Variants in KHDRBS2 observed in about 807,000 individuals in gnomAD.
The protein encoded by KHDRBS2 is KH RNA binding domain containing, signal transduction associated 2, also known as KH domain-containing, RNA-binding, signal transduction-associated protein 2.
KHDRBS2 carries 26 observed loss-of-function variants against 44.3 expected under a neutral mutation model. That is an observed-to-expected ratio of 0.59 (90% CI 0.43 to 0.81). The LOEUF (loss-of-function observed/expected upper bound fraction) is 0.81. Among genes scored for constraint, KHDRBS2 ranks in the 40% least tolerant of loss-of-function variants. The pLI is 0.00. For missense variants in KHDRBS2, 476 were observed against 433.1 expected (o/e 1.10, Z -0.88); for synonymous variants, 194 against 151.1 (o/e 1.28, Z -2.08).
chr6:61,847,439 A>G (rs1309799045), intron 6 of KHDRBS2, among the ~76,000 whole-genome samples: 4 of 152,256 alleles, frequency 2.6e-5, no homozygotes, highest in Non-Finnish European at 5.9e-5. Context: ...CTTGTCATAA[A>G]GATATGAGAA....
chr6:61,933,939 T>G (rs1436343585), intron 4 of KHDRBS2, among the ~76,000 whole-genome samples: 1 of 152,166 alleles, frequency 6.6e-6, no homozygotes, highest in African/African-American at 2.4e-5. Flanking sequence ...GGTTCCATTT[T>G]CTCCATATCC....
chr6:61,825,852 AC>A (rs1790779665), intron 6 of KHDRBS2, among the ~76,000 whole-genome samples: 1 of 152,118 alleles, frequency 6.6e-6, no homozygotes. Context: ...AGTTCACATC[AC>A]TGTATGAGGA....
chr6:62,069,212 C>T (rs1057411828), intron 2 of KHDRBS2, among the ~76,000 whole-genome samples: 1 of 151,584 alleles, frequency 6.6e-6, no homozygotes, highest in African/African-American at 2.4e-5. Flanking sequence ...AATAACTAGA[C>T]AGTTGATTAA....
At chr6:61,912,889 G>A (rs1038077989) in intron 4 of KHDRBS2, among the ~76,000 whole-genome samples, 1 of 152,086 alleles carries the variant, frequency 6.6e-6, no homozygotes, top group African/African-American at 2.4e-5. Flanking sequence ...TCAGTTCTTG[G>A]ATCTCTTCCG....
chr6:62,091,177 A>G (rs1019829044), intron 2 of KHDRBS2, among the ~76,000 whole-genome samples: 3 of 152,188 alleles, frequency 2.0e-5, no homozygotes, highest in African/African-American at 7.2e-5. Flanking sequence ...CCCACTGGAC[A>G]GTACTCTTAA....
At chr6:62,254,805 T>G (rs1005960227) in intron 1 of KHDRBS2, among the ~76,000 whole-genome samples, 1 of 152,032 alleles carries the variant, frequency 6.6e-6, no homozygotes, top group African/African-American at 2.4e-5. Flanking sequence ...CAATATGCTC[T>G]AACTTCTGAA....
chr6:61,997,313 C>T (rs1356324777), intron 3 of KHDRBS2, among the ~76,000 whole-genome samples: 1 of 152,144 alleles, frequency 6.6e-6, no homozygotes, highest in Non-Finnish European at 1.5e-5. Flanking sequence ...TACATAAATA[C>T]TTGATAAGAT....
At chr6:62,013,070 A>G (rs1262704621) in intron 3 of KHDRBS2, among the ~76,000 whole-genome samples, 1 of 152,190 alleles carries the variant, frequency 6.6e-6, no homozygotes, top group East Asian at 1.9e-4. Context: ...TCTTCACTGT[A>G]AAAATATAGT....
At chr6:61,723,777 AG>A (rs1211745275) in intron 7 of KHDRBS2, among the ~76,000 whole-genome samples, 2 of 152,166 alleles carry the variant, frequency 1.3e-5, no homozygotes, top group African/African-American at 4.8e-5. Context: ...TAGAGAAAAA[AG>A]AATGAAAAAG....
At chr6:62,112,976 C>T (rs1284003638) in intron 2 of KHDRBS2, among the ~76,000 whole-genome samples, 4 of 152,052 alleles carry the variant, frequency 2.6e-5, no homozygotes, top group Non-Finnish European at 4.4e-5. Context: ...CACCCACATA[C>T]CTATATAGCT....
chr6:61,977,917 C>T (rs991973449), intron 4 of KHDRBS2, 149 bp downstream of exon 4: 3 of 627,838 alleles, frequency 4.8e-6, no homozygotes, highest in Admixed American at 7.2e-5. Context: ...TTTTGGTATC[C>T]TATTTTATTT....
chr6:61,862,009 C>T (rs1430806669), intron 6 of KHDRBS2, among the ~76,000 whole-genome samples: 1 of 151,924 alleles, frequency 6.6e-6, no homozygotes, highest in Admixed American at 6.6e-5. Context: ...ATTTGGTTCC[C>T]TGCTTGTCTA....
chr6:61,726,012 C>A (rs1005547379), intron 7 of KHDRBS2, among the ~76,000 whole-genome samples: 1 of 152,106 alleles, frequency 6.6e-6, no homozygotes. Flanking sequence ...AAACTTCAGG[C>A]CAATATCCCT....
intron 2 of KHDRBS2, among the ~76,000 whole-genome samples, chr6:62,134,136 CTCT>C (rs1810979424): frequency 1.3e-5 from 2 of 152,158 alleles, no homozygotes; most frequent in African/African-American, 4.8e-5. Context: ...CCAGCAGCAC[CTCT>C]TATTACAGAC....
chr6:61,828,158 C>G lies in KHDRBS2; in HGVS notation c.810+66477G>C, dbSNP rs552975067. On this transcript the variant is annotated intron_variant, in intron 6 of 8. Transcript: ENST00000281156. The stretch of plus-strand genomic sequence containing the variant: ...CCAAGCCTTCTGGATTTCCTGAATC[C>G]TTTATATTCTTAACAGATATTCATG... Among the ~76,000 whole-genome samples the G allele has an allele frequency of 1.6e-4, 24 of 152,238 alleles. No homozygotes were observed. In the South Asian group the frequency reaches 3.1e-3, roughly 20 times the overall value.
intron 4 of KHDRBS2, among the ~76,000 whole-genome samples, chr6:61,942,984 A>T (rs1265310832): frequency 7.5e-6 from 1 of 133,698 alleles, no homozygotes; most frequent in African/African-American, 2.7e-5. Context: ...AGGGAGGGGG[A>T]GGTAGGGAAG....
At chr6:61,595,832 TCAGA>T in the KHDRBS2 span, among the ~76,000 whole-genome samples, 17 of 151,758 alleles carry the variant, frequency 1.1e-4, no homozygotes, top group Admixed American at 9.2e-4. Flanking sequence ...TACAAATGAC[TCAGA>T]CATTTTATGA....
intron 6 of KHDRBS2, among the ~76,000 whole-genome samples, chr6:61,839,336 A>G (rs181421266): frequency 1.7e-3 from 254 of 152,086 alleles, no homozygotes; most frequent in Non-Finnish European, 3.5e-4. Flanking sequence ...ACTTTCCATT[A>G]AATACTCTGT....
rs549572886 is a variant in KHDRBS2, at chr6:61,861,389, T to C, written c.810+33246A>G. On this transcript the variant is annotated intron_variant, in intron 6 of 8. Coordinates refer to ENST00000281156, the MANE Select transcript of KHDRBS2 (RefSeq NM_152688.4). ...TTAATCCACCTTGAGACAATTTTTG[T>C]ATATGGTGTAAGAAAGGGGTCCAGT... 9.9e-5 allele frequency among the ~76,000 whole-genome samples: 15 copies of C among 152,276 alleles called. No homozygotes were observed. The South Asian group carries it at 2.9e-3, about 29-fold the overall frequency.
Sources: allele counts gnomAD v4.1 joint callset (sites outside exome capture counted in the v4.1 genomes callset), GRCh38; gene constraint gnomAD v4.1.1; transcripts MANE v1.5; gene names NCBI Gene and HGNC (gene_info 2026-07-23, HGNC 2026-07-21).